Variants in GPRC5D observed in about 807,000 individuals in gnomAD.
The protein encoded by GPRC5D is G protein-coupled receptor class C group 5 member D, also known as G protein-coupled receptor family C group 5 member D.
GPRC5D carries 20 observed loss-of-function variants against 29.3 expected under a neutral mutation model. The observed-to-expected ratio is 0.68, with a 90% confidence interval of 0.48 to 0.99. The LOEUF (loss-of-function observed/expected upper bound fraction) is 0.99, where lower values mean the gene tolerates loss of function less well. Among genes scored for constraint, GPRC5D ranks in the 50% least tolerant of loss-of-function variants. The pLI is 0.00. For missense variants in GPRC5D, 384 were observed against 423.6 expected (o/e 0.91, Z 0.82); for synonymous variants, 178 against 171.3 (o/e 1.04, Z -0.30).
chr12:12,944,376 C>G (rs1863222007), intron 1 of GPRC5D: 1 of 152,212 alleles, frequency 6.6e-6, no homozygotes, highest in African/African-American at 2.4e-5. Context: ...AGCTAGTTCT[C>G]TCTCTGTGAC....
At chr12:12,946,774 C>T (rs1863360160) in intron 1 of GPRC5D, among the ~76,000 whole-genome samples, 1 of 151,972 alleles carries the variant, frequency 6.6e-6, no homozygotes. Flanking sequence ...AAATTTCCAG[C>T]TAGGGATCCC....
chr12:12,947,628 A>G (rs1453191940), intron 1 of GPRC5D, among the ~76,000 whole-genome samples: 5 of 143,064 alleles, frequency 3.5e-5, no homozygotes, highest in African/African-American at 1.3e-4. Context: ...GCAGTGGTGT[A>G]ACCGTGGCTC....
chr12:12,945,067 G>T (rs1863278300), intron 1 of GPRC5D, among the ~76,000 whole-genome samples: 1 of 149,368 alleles, frequency 6.7e-6, no homozygotes, highest in East Asian at 2.0e-4. Flanking sequence ...TGCAATGCAT[G>T]ATCTCAACTC....
exon 1 of GPRC5D, chr12:12,949,492 C>T (rs1239114521): frequency 6.2e-7 from 1 of 1,611,758 alleles, no homozygotes; most frequent in Non-Finnish European, 8.5e-7. Context: ...GAATGTACCT[C>T]TGGAGAGCTC....
At chr12:12,947,590 G>A (rs1863384271) in intron 1 of GPRC5D, among the ~76,000 whole-genome samples, 1 of 143,260 alleles carries the variant, frequency 7.0e-6, no homozygotes, top group Non-Finnish European at 1.5e-5. Flanking sequence ...ATTGAGACAG[G>A]GTCTCGTTCT....
chr12:12,944,755 TC>T lies in GPRC5D; in HGVS notation c.896-2428del, dbSNP rs1565476860. Among the ~76,000 whole-genome samples, 4 of 45,586 alleles carry T rather than the reference TC, an allele frequency of 8.8e-5. 1 individual carries two copies. Among genetic ancestry groups the T allele is most frequent in the Non-Finnish European group, 3.4e-4 (4 of 11,706 alleles). The allele number at this position is 45,586 out of a possible 152,430, so 29.9% of individuals were successfully genotyped here. A position where few individuals can be genotyped will look rare whatever the true frequency, so the allele number is the denominator to read the frequency against. On this transcript the variant is annotated intron_variant, in intron 1 of 2. Coordinates refer to ENST00000228887, the Ensembl canonical transcript of GPRC5D. ...GTGACACCTTTCTTCCTTCCTTCCTTCCTTTCTTCCTTCCTTTCTTCCTTCC... is the reference window on the plus strand; with the variant it reads ...GTGACACCTTTCTTCCTTCCTTCCTTCTTTCTTCCTTCCTTTCTTCCTTCC...
At chr12:12,950,435 G>GA (rs1235217081), upstream of GPRC5D, 1 of 1,233,108 alleles carries the variant, frequency 8.1e-7, no homozygotes, top group Admixed American at 2.1e-5. Context: ...ATGCCCTGCA[G>GA]AAAAAGGATG....
chr12:12,946,166 G>A (rs1277552017), intron 1 of GPRC5D, among the ~76,000 whole-genome samples: 8 of 152,014 alleles, frequency 5.3e-5, no homozygotes, highest in East Asian at 1.9e-4. Flanking sequence ...ATGCCTTTGC[G>A]TCCATTTCCA....
At chr12:12,940,974 T>A (rs1249865852) in intron 2 of GPRC5D, 125 bp from the exon 4 acceptor site, 2 of 611,164 alleles carry the variant, frequency 3.3e-6, no homozygotes, top group Non-Finnish European at 3.0e-6. Flanking sequence ...TGCAGTGGTG[T>A]GATCTGGGCT....
chr12:12,949,379 A>G (rs1565480021), intron 1 of GPRC5D, 111 bp downstream of exon 2: 4 of 934,080 alleles, frequency 4.3e-6, no homozygotes, highest in Non-Finnish European at 4.9e-6. Flanking sequence ...CACCCACCCC[A>G]AATCTGACCA....
intron 1 of GPRC5D, 44 bp downstream of exon 2, chr12:12,949,446 C>T: frequency 6.6e-7 from 1 of 1,513,316 alleles, no homozygotes; most frequent in Non-Finnish European, 9.0e-7. Context: ...CCTGCTTCTC[C>T]TGTAGGAGCA....
chr12:12,942,095 C>T (rs751484606), intron 2 of GPRC5D, among the ~76,000 whole-genome samples, 166 bp downstream of exon 3: 17 of 152,140 alleles, frequency 1.1e-4, no homozygotes, highest in Non-Finnish European at 2.5e-4. Flanking sequence ...GCCACCTGGT[C>T]TGGCTTAAAT....
At chr12:12,951,162 A>G (rs1450527829), upstream of GPRC5D, among the ~76,000 whole-genome samples, 1 of 152,112 alleles carries the variant, frequency 6.6e-6, no homozygotes, top group Non-Finnish European at 1.5e-5. Context: ...TAACGTCAAG[A>G]ACCGCAACTG....
upstream of GPRC5D, among the ~76,000 whole-genome samples, chr12:12,951,112 A>G (rs1863483965): frequency 6.6e-6 from 1 of 152,186 alleles, no homozygotes; most frequent in Admixed American, 6.5e-5. Flanking sequence ...GCTGTCTGAA[A>G]ACAAAAACCG....
At chr12:12,942,982 AT>A (rs1863192456) in intron 1 of GPRC5D, among the ~76,000 whole-genome samples, 1 of 151,982 alleles carries the variant, frequency 6.6e-6, no homozygotes, top group Non-Finnish European at 1.5e-5. Context: ...CTTGAATTCA[AT>A]TTTTCAAAAA....
chr12:12,941,707 C>G (rs1319939688), intron 2 of GPRC5D, among the ~76,000 whole-genome samples: 2 of 152,230 alleles, frequency 1.3e-5, no homozygotes, highest in Non-Finnish European at 2.9e-5. Context: ...TACCCCCAAA[C>G]TACTCAGCAG....
downstream of GPRC5D, chr12:12,940,763 T>A (rs1362196168): frequency 3.9e-5 from 60 of 1,557,554 alleles, no homozygotes; most frequent in Non-Finnish European, 5.3e-5. Context: ...TCCACTTGTG[T>A]TTCCTGTAGA....
Position 12,945,104 on chromosome 12 carries a change from A to G in GPRC5D, c.896-2776T>C, listed in dbSNP as rs560783990. Among the ~76,000 whole-genome samples, 21 of 150,922 alleles carry G rather than the reference A, an allele frequency of 1.4e-4. 2 individuals are homozygous for G. The East Asian group carries it at 4.1e-3, about 30-fold the overall frequency. On this transcript the variant is annotated intron_variant, in intron 1 of 2. Coordinates refer to ENST00000228887, the Ensembl canonical transcript of GPRC5D. ...CTGCAATCACCACCTCCCGGGTTCA[A>G]GTGATTCTCCTGCCTCAGCCTCACA... is the stretch of plus-strand genomic sequence containing the variant.
intron 1 of GPRC5D, among the ~76,000 whole-genome samples, chr12:12,946,308 CT>C (rs56184711): frequency 0.017 from 307 of 18,560 alleles, 1 homozygote; most frequent in East Asian, 0.032. Context: ...TCCTTCCTTC[CT>C]TTTCTTTCTT....
Sources: gnomAD v4.1 joint callset for allele counts (sites outside exome capture counted in the v4.1 genomes callset) on GRCh38, gnomAD v4.1.1 for gene constraint, MANE v1.5 for transcripts, NCBI Gene and HGNC (gene_info 2026-07-23, HGNC 2026-07-21) for gene names.